TNIK: variants seen among roughly 807,000 people sequenced by gnomAD.
TNIK encodes TRAF2 and NCK-interacting protein kinase.
Under a neutral mutation model 191.3 loss-of-function variants are expected in TNIK, and 49 were observed. That is an observed-to-expected ratio of 0.26 (90% CI 0.20 to 0.32). TNIK has a LOEUF of 0.32. TNIK is among the 10% of genes least tolerant of loss of function. The probability of loss-of-function intolerance (pLI) is 1.00; values close to 1 mark genes in which losing one functional copy is unlikely to be tolerated. For missense variants in TNIK, 1,155 were observed against 1,702.3 expected (o/e 0.68, Z 5.66); for synonymous variants, 594 against 600.9 (o/e 0.99, Z 0.17).
At chr3:171,088,018 A>C (rs1034181530) in intron 23 of TNIK, among the ~76,000 whole-genome samples, 5 of 152,226 alleles carry the variant, frequency 3.3e-5, no homozygotes, top group African/African-American at 1.2e-4. Context: ...GTCATTCACA[A>C]GGTCAAAACA....
intron 4 of TNIK, among the ~76,000 whole-genome samples, chr3:171,200,549 T>C (rs1464564393): frequency 3.9e-5 from 6 of 152,224 alleles, no homozygotes; most frequent in Admixed American, 3.9e-4. Flanking sequence ...GGTTACTTAG[T>C]ATGCCTTCCT....
rs549567036 is a variant in TNIK, at chr3:171,377,421, T to C, written c.58-7736A>G. On this transcript the variant is annotated intron_variant, in intron 1 of 32. Transcript: ENST00000436636. Reference sequence around the variant, plus strand: ...CACTCAAGACCCTGCAGCTCCAGCCTGTCCTCACAAAGTCGGCCTTTAGAA... The same window carrying C: ...CACTCAAGACCCTGCAGCTCCAGCCCGTCCTCACAAAGTCGGCCTTTAGAA... 7.9e-5 allele frequency among the ~76,000 whole-genome samples: 12 copies of C among 152,348 alleles called. No individual in the cohort carries two copies. In the South Asian group the frequency reaches 2.5e-3, roughly 32 times the overall value.
chr3:171,399,469 C>G (rs1720643276), intron 1 of TNIK, among the ~76,000 whole-genome samples: 1 of 152,074 alleles, frequency 6.6e-6, no homozygotes. Context: ...CAGCAATGCA[C>G]AAGCAATTCT....
intron 3 of TNIK, among the ~76,000 whole-genome samples, chr3:171,222,536 C>T (rs1742481004): frequency 6.6e-6 from 1 of 152,150 alleles, no homozygotes; most frequent in South Asian, 2.1e-4. Flanking sequence ...ACTGAACTGC[C>T]TCCCTTTGGG....
chr3:171,202,636 C>T (rs1257121130), intron 4 of TNIK, among the ~76,000 whole-genome samples: 1 of 152,154 alleles, frequency 6.6e-6, no homozygotes, highest in Non-Finnish European at 1.5e-5. Flanking sequence ...AAGAAGAGAT[C>T]AATTGCACAT....
chr3:171,330,809 A>G (rs1756342507), intron 2 of TNIK, among the ~76,000 whole-genome samples: 1 of 152,070 alleles, frequency 6.6e-6, no homozygotes, highest in Non-Finnish European at 1.5e-5. Flanking sequence ...TAGCAAACCA[A>G]TTTGTCATGC....
At chr3:171,312,326 A>G (rs1396682293) in intron 2 of TNIK, among the ~76,000 whole-genome samples, 3 of 151,934 alleles carry the variant, frequency 2.0e-5, no homozygotes, top group African/African-American at 7.2e-5. Flanking sequence ...GAAAAATATT[A>G]TTTTTATATG....
intron 1 of TNIK, among the ~76,000 whole-genome samples, chr3:171,451,328 A>T (rs1259614923): frequency 1.3e-5 from 2 of 152,232 alleles, no homozygotes; most frequent in African/African-American, 4.8e-5. Flanking sequence ...AACATCCAGC[A>T]CCACATAAGT....
chr3:171,409,716 T>G (rs1722145080), intron 1 of TNIK, among the ~76,000 whole-genome samples: 1 of 149,664 alleles, frequency 6.7e-6, no homozygotes, highest in Non-Finnish European at 1.5e-5. Context: ...ACCACATACA[T>G]CACATGGGTG....
chr3:171,437,132 A>C (rs182780101), intron 1 of TNIK, among the ~76,000 whole-genome samples: 1 of 152,232 alleles, frequency 6.6e-6, no homozygotes, highest in Non-Finnish European at 1.5e-5. Context: ...ATTTGATTTC[A>C]AAGATTCTAT....
At chr3:171,099,388 T>TTTTTA (rs369256171) in intron 22 of TNIK, among the ~76,000 whole-genome samples, 11 of 151,588 alleles carry the variant, frequency 7.3e-5, no homozygotes, top group African/African-American at 2.4e-4. Context: ...TTTTTTTTTT[T>TTTTTA]AATCTTGCTG....
chr3:171,380,464 C>T (rs1717881985), intron 1 of TNIK, among the ~76,000 whole-genome samples: 1 of 152,194 alleles, frequency 6.6e-6, no homozygotes, highest in Admixed American at 6.5e-5. Context: ...GGACCATTCC[C>T]CCAGAGATAC....
At chr3:171,328,394 C>T (rs186703981) in intron 2 of TNIK, among the ~76,000 whole-genome samples, 37 of 152,308 alleles carry the variant, frequency 2.4e-4, no homozygotes, top group Admixed American at 1.9e-3. Context: ...TGGGACACTG[C>T]AGATTCGCCT....
chr3:171,093,712 A>C (rs1722354717), intron 23 of TNIK, 127 bp downstream of exon 23: 2 of 1,237,016 alleles, frequency 1.6e-6, no homozygotes, highest in Admixed American at 5.5e-5. Flanking sequence ...TTGGAAGCAC[A>C]GGTCCTCCCT....
intron 15 of TNIK, among the ~76,000 whole-genome samples, chr3:171,130,872 C>T (rs1433235269): frequency 1.3e-5 from 2 of 152,124 alleles, no homozygotes; most frequent in Non-Finnish European, 2.9e-5. Flanking sequence ...CTCTAAAATA[C>T]ACTGATAGCT....
At chr3:171,246,653 T>C (rs1233239821) in intron 2 of TNIK, among the ~76,000 whole-genome samples, 1 of 152,226 alleles carries the variant, frequency 6.6e-6, no homozygotes, top group Non-Finnish European at 1.5e-5. Context: ...TTTCATTAGA[T>C]TGAAAATATT....
At chr3:171,311,971 T>A (rs1377855260) in intron 2 of TNIK, among the ~76,000 whole-genome samples, 1 of 151,764 alleles carries the variant, frequency 6.6e-6, no homozygotes. Context: ...AGAGTACATG[T>A]GACTTCGGGG....
chr3:171,410,383 AT>A (rs1292623184), intron 1 of TNIK, among the ~76,000 whole-genome samples: 1 of 152,156 alleles, frequency 6.6e-6, no homozygotes, highest in Non-Finnish European at 1.5e-5. Context: ...GCCTTTCTGG[AT>A]GAGTATCTTC....
intron 26 of TNIK, among the ~76,000 whole-genome samples, chr3:171,083,278 T>C (rs1412099523): frequency 1.3e-5 from 2 of 152,216 alleles, no homozygotes; most frequent in African/African-American, 4.8e-5. Context: ...TATTAATCCT[T>C]TCAGTATTAA....
Sources: gnomAD v4.1 joint callset for allele counts (sites outside exome capture counted in the v4.1 genomes callset) on GRCh38, gnomAD v4.1.1 for gene constraint, MANE v1.5 for transcripts, NCBI Gene and HGNC (gene_info 2026-07-23, HGNC 2026-07-21) for gene names.